The following TP73 variants were observed in gnomAD, a reference collection of about 807,000 sequenced individuals.
The protein encoded by TP73 is tumor protein p73.
Under a neutral mutation model 62.5 loss-of-function variants are expected in TP73, and 25 were observed. That is an observed-to-expected ratio of 0.40 (90% CI 0.29 to 0.56). The LOEUF (loss-of-function observed/expected upper bound fraction) is 0.56. Among genes scored for constraint, TP73 ranks in the 20% least tolerant of loss-of-function variants. TP73 has a pLI of 0.46. For synonymous variants in TP73, 423 were observed against 377.5 expected (o/e 1.12, Z -1.40); for missense variants, 754 against 913.3 (o/e 0.83, Z 2.25).
chr1:3,730,276 T>G, intron 11 of TP73, 128 bp downstream of exon 11: 2 of 1,149,950 alleles, frequency 1.7e-6, no homozygotes, highest in Non-Finnish European at 1.2e-6. Context: ...CTTCCAGCGG[T>G]TCCACCCTCT....
chr1:3,670,086 G>A lies in TP73; in HGVS notation c.-33-12247G>A, dbSNP rs1345494715. Among the ~76,000 whole-genome samples the A allele has an allele frequency of 2.0e-5, 3 of 152,106 alleles. No homozygotes were observed. The highest frequency in any genetic ancestry group is 7.2e-5 in the African/African-American group (3 of 41,396). On this transcript the variant is annotated intron_variant, in intron 1 of 13. Coordinates refer to ENST00000378295, the MANE Select transcript of TP73 (RefSeq NM_005427.4). The surrounding 1 kb of genome is among the most constrained non-coding windows in gnomAD (Gnocchi z 5.9). ...GTCTCCAGCCTGGCCTCCTGGATGG[G>A]CATGTGGCTCGGGGGGCGAGACCAT...
intron 3 of TP73, among the ~76,000 whole-genome samples, chr1:3,686,410 A>G (rs898022352): frequency 6.6e-6 from 1 of 152,156 alleles, no homozygotes; most frequent in African/African-American, 2.4e-5. Context: ...TTGCTGGTGA[A>G]GCTGGGGTGA....
At chr1:3,660,017 C>A (rs1022694710) in intron 1 of TP73, among the ~76,000 whole-genome samples, 1 of 152,180 alleles carries the variant, frequency 6.6e-6, no homozygotes, top group Non-Finnish European at 1.5e-5. Context: ...AGTCTAGCCT[C>A]ATTAAAATTG....
intron 1 of TP73, among the ~76,000 whole-genome samples, chr1:3,669,454 C>G (rs372586422): frequency 1.3e-5 from 2 of 152,194 alleles, no homozygotes; most frequent in Non-Finnish European, 2.9e-5. Context: ...GCTCTGGTAC[C>G]GCCACCTCCA....
chr1:3,733,696 C>G lies in TP73; in HGVS notation c.*617C>G, dbSNP rs1237336229. On this transcript the variant is annotated 3_prime_UTR_variant, in exon 14 of 14. Coordinates refer to ENST00000378295, the MANE Select transcript of TP73 (RefSeq NM_005427.4). Reference sequence around the variant, plus strand: ...CTGCAGGACCGCCTCCTTCCTGCCCCTAACAACAACCACAGTGTTGCTGAA... The same window carrying G: ...CTGCAGGACCGCCTCCTTCCTGCCCGTAACAACAACCACAGTGTTGCTGAA... 1.9e-5 allele frequency: 3 copies of G among 153,902 alleles called. No individual in the cohort carries two copies. Among genetic ancestry groups the G allele is most frequent in the Non-Finnish European group, 2.9e-5 (2 of 68,466 alleles). The allele number at this position is 153,902 out of a possible 1,614,324, so 9.5% of individuals were successfully genotyped here.
At position 3,727,788 on chromosome 1, in the gene TP73, G is replaced by A. The variant is rs1264030803; in HGVS notation, c.985+18G>A. ...CAAGCGTGGTGAGCGGCCGGCCAGG[G>A]GAACTGGACGCGTGTGGGAGGAGAA... On this transcript the variant is annotated intron_variant, in intron 8 of 13. Transcript: ENST00000378295. The A allele has an allele frequency of 6.6e-7, 1 of 1,514,314 alleles. No individual in the cohort carries two copies. Among genetic ancestry groups the A allele is most frequent in the Non-Finnish European group, 8.8e-7 (1 of 1,129,982 alleles). The allele number at this position is 1,514,314 out of a possible 1,614,324, so 93.8% of individuals were successfully genotyped here.
intron 3 of TP73, among the ~76,000 whole-genome samples, chr1:3,698,814 G>T (rs1024122073): frequency 6.6e-6 from 1 of 152,214 alleles, no homozygotes. Context: ...CATCTGCAAG[G>T]CCCCCATGTG....
intron 1 of TP73, among the ~76,000 whole-genome samples, chr1:3,681,185 C>G (rs1051657172): frequency 8.5e-5 from 13 of 152,234 alleles, no homozygotes; most frequent in African/African-American, 3.1e-4. Flanking sequence ...AGGACAAAAA[C>G]GACAGGTTCC....
At chr1:3,711,474 C>T (rs565070485) in intron 4 of TP73, among the ~76,000 whole-genome samples, 104 of 152,368 alleles carry the variant, frequency 6.8e-4, no homozygotes, top group Non-Finnish European at 1.3e-3. Context: ...TCAGAACAGC[C>T]CGACGCGATG....
intron 4 of TP73, among the ~76,000 whole-genome samples, chr1:3,715,493 C>A (rs1050525122): frequency 6.6e-6 from 1 of 152,072 alleles, no homozygotes; most frequent in African/African-American, 2.4e-5. Context: ...GGGTGCTGGT[C>A]CACCCCAGCT....
At chr1:3,726,913 GGATGGACGGA>G (rs1341289445) in intron 6 of TP73, among the ~76,000 whole-genome samples, 192 bp from the exon 7 acceptor site, 27 of 148,620 alleles carry the variant, frequency 1.8e-4, no homozygotes, top group Non-Finnish European at 2.7e-4. Context: ...ATGGATGGAT[GGATGGACGGA>G]TGGATGGATG....
chr1:3,725,635 A>G (rs1309381914), intron 6 of TP73, among the ~76,000 whole-genome samples: 5 of 88,278 alleles, frequency 5.7e-5, no homozygotes, highest in Admixed American at 1.2e-4. Flanking sequence ...ATGGGTGGGT[A>G]GAGGGATGGG....
chr1:3,710,756 C>A (rs572050642), intron 4 of TP73, among the ~76,000 whole-genome samples: 2 of 152,328 alleles, frequency 1.3e-5, no homozygotes, highest in South Asian at 4.1e-4. Context: ...CACACAGACA[C>A]AGCACCCTCC....
Position 3,693,815 on chromosome 1 carries a change from A to C in TP73, c.186+10635A>C, listed in dbSNP as rs111606197. Reference sequence around the variant, plus strand: ...CCCGCAATCCCAGCCCTGCAGCCTCAGCCCCTCCTCCCGCAATCCCAGCCA... The same window carrying C: ...CCCGCAATCCCAGCCCTGCAGCCTCCGCCCCTCCTCCCGCAATCCCAGCCA... On this transcript the variant is annotated intron_variant, in intron 3 of 13. Transcript: ENST00000378295. Among the ~76,000 whole-genome samples, 70 of 97,758 alleles carry C rather than the reference A, an allele frequency of 7.2e-4. 1 individual carries two copies. The highest frequency in any genetic ancestry group is 2.2e-3 in the African/African-American group (51 of 22,760). 64.1% of individuals were successfully genotyped at this position (97,758 alleles called of 152,430 possible). A position where few individuals can be genotyped will look rare whatever the true frequency, so the allele number is the denominator to read the frequency against.
chr1:3,683,586 G>A lies in TP73; in HGVS notation c.186+406G>A, dbSNP rs564374979. Reference sequence around the variant, plus strand: ...TGTCCAGGTGCTTCACAGCTGCCTCGCTCAGTCTCTTGGTCTGCTTTCCCC... The same window carrying A: ...TGTCCAGGTGCTTCACAGCTGCCTCACTCAGTCTCTTGGTCTGCTTTCCCC... On this transcript the variant is annotated intron_variant, in intron 3 of 13. Transcript: ENST00000378295. Among the ~76,000 whole-genome samples the A allele has an allele frequency of 5.3e-5, 8 of 152,306 alleles. No homozygotes were observed. In the East Asian group the frequency reaches 5.8e-4, roughly 11 times the overall value.
intron 3 of TP73, among the ~76,000 whole-genome samples, chr1:3,686,618 C>T (rs1463521235): frequency 6.6e-6 from 1 of 152,120 alleles, no homozygotes; most frequent in Non-Finnish European, 1.5e-5. Flanking sequence ...CCTCAGTGGG[C>T]TCTAGAGGAG....
intron 1 of TP73, among the ~76,000 whole-genome samples, chr1:3,667,785 GA>G (rs1240360096): frequency 6.6e-6 from 1 of 151,570 alleles, no homozygotes; most frequent in Non-Finnish European, 1.5e-5. Flanking sequence ...AAGTAAAAAA[GA>G]AAAAAAGGAA....
rs779829274 is a variant in TP73, at chr1:3,699,920, C to T, written c.187-7629C>T. Among the ~76,000 whole-genome samples the T allele has an allele frequency of 1.3e-5, 2 of 152,092 alleles. No homozygotes were observed. The highest frequency in any genetic ancestry group is 1.5e-5 in the Non-Finnish European group (1 of 67,994). On this transcript the variant is annotated intron_variant, in intron 3 of 13. Coordinates refer to ENST00000378295, the MANE Select transcript of TP73 (RefSeq NM_005427.4). The surrounding 1 kb of genome is among the most constrained non-coding windows in gnomAD (Gnocchi z 4.1). ...ATCTCTGTTTCCAAGAGAAGGGGGA[C>T]TGCATGGCCAGACCGTGGGCTCGGG... is the stretch of plus-strand genomic sequence containing the variant.
At chr1:3,693,521 CT>C (rs1236722103) in intron 3 of TP73, among the ~76,000 whole-genome samples, 1 of 152,184 alleles carries the variant, frequency 6.6e-6, no homozygotes, top group African/African-American at 2.4e-5. Flanking sequence ...CCAGCTGAGT[CT>C]TTGGTCAGTG....
Sources: gnomAD v4.1 joint callset for allele counts (sites outside exome capture counted in the v4.1 genomes callset) on GRCh38, gnomAD v4.1.1 for gene constraint, Gnocchi (gnomAD v3.1) non-coding constraint, MANE v1.5 for transcripts, NCBI Gene and HGNC (gene_info 2026-07-23, HGNC 2026-07-21) for gene names.